Variants in NOL4L observed in about 807,000 individuals in gnomAD.
NOL4L encodes nucleolar protein 4-like.
NOL4L carries 7 observed loss-of-function variants against 64.5 expected under a neutral mutation model. That is an observed-to-expected ratio of 0.11 (90% CI 0.06 to 0.20). NOL4L has a LOEUF of 0.20. Ranked by LOEUF, NOL4L falls within the 10% of genes least tolerant of loss-of-function variation. The pLI is 1.00. For synonymous variants in NOL4L, 413 were observed against 401.0 expected, an observed-to-expected ratio of 1.03 and a Z score of -0.36; for missense variants, 680 against 967.1, an observed-to-expected ratio of 0.70 and a Z score of 3.94.
At chr20:32,494,288 AAC>A (rs1555797935) in intron 4 of NOL4L, among the ~76,000 whole-genome samples, 7 of 125,996 alleles carry the variant, frequency 5.6e-5, no homozygotes, top group Admixed American at 1.6e-4. Flanking sequence ...AAAAACACAC[AAC>A]ACACACACAC....
chr20:32,509,978 C>T, intron 4 of NOL4L: 2 of 1,294,812 alleles, frequency 1.5e-6, no homozygotes, highest in African/African-American at 1.5e-5. Flanking sequence ...TCTTCAGTGG[C>T]AGTGAGAGGA....
At chr20:32,483,540 G>GAGGAGGGCCC (rs2015885118) in intron 4 of NOL4L, 1 of 979,708 alleles carries the variant, frequency 1.0e-6, no homozygotes, top group African/African-American at 1.8e-5. Context: ...GGGTGGCCAG[G>GAGGAGGGCCC]AGGAGGGCCC....
In NOL4L at chr20:32,527,917, C is replaced by T. The variant is rs760262669; in HGVS notation, c.322-4G>A. 1.0e-5 allele frequency: 16 copies of T among 1,549,400 alleles called. No individual in the cohort carries two copies. The highest frequency in any genetic ancestry group is 4.9e-5 in the East Asian group (2 of 40,900). ...GCTCCGACAGGCCATCTGCCCCCTG[C>T]GACAGGGTGGACAAGCTGTGTTAGT... On this transcript the variant is annotated splice_polypyrimidine_tract_variant and splice_region_variant and intron_variant, in intron 1 of 10. Coordinates refer to ENST00000621426, the MANE Select transcript of NOL4L (RefSeq NM_001256798.2).
chr20:32,510,072 G>T, intron 4 of NOL4L: 1 of 677,076 alleles, frequency 1.5e-6, no homozygotes, highest in Non-Finnish European at 2.3e-6. Flanking sequence ...CACTCCTGCA[G>T]CTCAAACTAC....
At position 32,534,370 on chromosome 20, in the gene NOL4L, G is replaced by A. The variant is rs78519898; in HGVS notation, c.322-6457C>T. Among the ~76,000 whole-genome samples the A allele has an allele frequency of 6.7e-3, 1,025 of 152,322 alleles. 11 individuals carry two copies. Among genetic ancestry groups the A allele is most frequent in the African/African-American group, 0.024 (984 of 41,578 alleles). ...AAGGAAGCAAATCTTTGGCTACCAC[G>A]TGGGAGGGAGCCCAGGACTTCAGGG... On this transcript the variant is annotated intron_variant, in intron 1 of 10. Transcript: ENST00000621426.
chr20:32,540,987 C>T (rs1397749647), intron 1 of NOL4L, among the ~76,000 whole-genome samples: 2 of 145,704 alleles, frequency 1.4e-5, no homozygotes, highest in Non-Finnish European at 3.0e-5. Context: ...CAGTGCTGCT[C>T]CAGCCTGCCT....
chr20:32,577,737 C>G (rs142204496), intron 1 of NOL4L, among the ~76,000 whole-genome samples: 1 of 152,166 alleles, frequency 6.6e-6, no homozygotes, highest in Non-Finnish European at 1.5e-5. Context: ...TTCTCAGGCC[C>G]CTGATAGTAC....
chr20:32,578,604 C>T (rs1460209032), intron 1 of NOL4L, among the ~76,000 whole-genome samples: 1 of 152,182 alleles, frequency 6.6e-6, no homozygotes, highest in Non-Finnish European at 1.5e-5. Flanking sequence ...GGCTGGTAGG[C>T]CTGGCTTTGA....
intron 2 of NOL4L, among the ~76,000 whole-genome samples, chr20:32,525,537 T>C (rs1355869104): frequency 3.3e-5 from 5 of 152,230 alleles, no homozygotes; most frequent in Non-Finnish European, 2.9e-5. Flanking sequence ...GCAACCTTCA[T>C]ACATGTGTAG....
intron 1 of NOL4L, among the ~76,000 whole-genome samples, chr20:32,562,861 A>G (rs1170532320): frequency 2.1e-5 from 3 of 141,560 alleles, no homozygotes; most frequent in Non-Finnish European, 3.1e-5. Flanking sequence ...CTGTTGCTCC[A>G]GAAGCTACTG....
chr20:32,570,185 G>C (rs1009587711), intron 1 of NOL4L, among the ~76,000 whole-genome samples: 2 of 152,072 alleles, frequency 1.3e-5, no homozygotes, highest in African/African-American at 2.4e-5. Context: ...TTCGAACCCA[G>C]GGCTGGGTTC....
chr20:32,572,122 G>T (rs146446641), intron 1 of NOL4L, among the ~76,000 whole-genome samples: 2 of 152,320 alleles, frequency 1.3e-5, no homozygotes, highest in Middle Eastern at 3.4e-3. Flanking sequence ...GAAGGATGGC[G>T]ATTTAAGGAG....
At chr20:32,474,054 C>G (rs2015214534) in intron 5 of NOL4L, among the ~76,000 whole-genome samples, 1 of 152,228 alleles carries the variant, frequency 6.6e-6, no homozygotes, top group Non-Finnish European at 1.5e-5. Flanking sequence ...AGTAGGCTGC[C>G]TGGCAGGCCC....
At chr20:32,574,274 C>T (rs949800403) in intron 1 of NOL4L, among the ~76,000 whole-genome samples, 1 of 152,218 alleles carries the variant, frequency 6.6e-6, no homozygotes, top group African/African-American at 2.4e-5. Flanking sequence ...ATGACAATCC[C>T]ACGAGTTAAA....
intron 3 of NOL4L, among the ~76,000 whole-genome samples, chr20:32,512,369 C>T (rs2017446986): frequency 6.6e-6 from 1 of 152,216 alleles, no homozygotes; most frequent in Admixed American, 6.5e-5. Flanking sequence ...CACCCCATAG[C>T]ATCCCCCAAA....
rs1287678603 is a variant in NOL4L at position 32,540,254 on chromosome 20, C to CACAGTCTGACACAGCCACACACACACAG, written c.322-12369_322-12342dup. On this transcript the variant is annotated intron_variant, in intron 1 of 10. Transcript: ENST00000621426. ...AGACAGATGTGTGTAGGCCGTGACACACAGTCTGACACAGCCACACACACA... is the reference window on the plus strand; with the variant it reads ...AGACAGATGTGTGTAGGCCGTGACACACAGTCTGACACAGCCACACACACACAGACAGTCTGACACAGCCACACACACA... Among the ~76,000 whole-genome samples, 22 of 152,314 alleles carry CACAGTCTGACACAGCCACACACACACAG rather than the reference C, an allele frequency of 1.4e-4. No homozygotes were observed. In the South Asian group the frequency reaches 4.1e-3, roughly 29 times the overall value.
rs926941193 is a variant in NOL4L at position 32,453,134 on chromosome 20, G to A, written c.1498-128C>T. ...CTCCAGCGCCTCAGTCTATGGAGCT[G>A]TGTGATCTTTCTGGGCCTTAGTTCC... On this transcript the variant is annotated intron_variant, in intron 8 of 10. Coordinates refer to ENST00000621426, the MANE Select transcript of NOL4L (RefSeq NM_001256798.2). The surrounding 1 kb of genome is among the most constrained non-coding windows in gnomAD (Gnocchi z 5.6). 13 of 1,442,990 alleles carry A rather than the reference G, an allele frequency of 9.0e-6. No individual in the cohort carries two copies. The highest frequency in any genetic ancestry group is 1.2e-5 in the Non-Finnish European group (13 of 1,063,116). 89.4% of individuals were successfully genotyped at this position (1,442,990 alleles called of 1,614,324 possible).
In NOL4L at chr20:32,447,122, A is replaced by G. The variant is rs1452900587; in HGVS notation, c.*474T>C. ...CCTTCTGATCAGACAGACACAGACT[A>G]GCAATCTGTACAAACACAAAAGAAT... is the stretch of plus-strand genomic sequence containing the variant. On this transcript the variant is annotated 3_prime_UTR_variant, in exon 11 of 11. Coordinates refer to ENST00000621426, the MANE Select transcript of NOL4L (RefSeq NM_001256798.2). 2.4e-6 allele frequency: 1 copy of G among 417,734 alleles called. No homozygotes were observed. Among genetic ancestry groups the G allele is most frequent in the African/African-American group, 2.0e-5 (1 of 48,936 alleles). The allele number at this position is 417,734 out of a possible 1,614,324, so 25.9% of individuals were successfully genotyped here. A position where few individuals can be genotyped will look rare whatever the true frequency, so the allele number is the denominator to read the frequency against.
chr20:32,513,959 C>T (rs756825617), intron 3 of NOL4L, among the ~76,000 whole-genome samples: 4 of 152,138 alleles, frequency 2.6e-5, no homozygotes, highest in Admixed American at 6.5e-5. Flanking sequence ...TGAAGTTACC[C>T]AAAGAGGACA....
Sources: gnomAD v4.1 joint callset for allele counts (sites outside exome capture counted in the v4.1 genomes callset) on GRCh38, gnomAD v4.1.1 for gene constraint, Gnocchi (gnomAD v3.1) non-coding constraint, MANE v1.5 for transcripts, NCBI Gene and HGNC (gene_info 2026-07-23, HGNC 2026-07-21) for gene names.